Variants in ATP11A observed in about 807,000 individuals in gnomAD.
ATP11A encodes phospholipid-transporting ATPase IH.
In ATP11A, 81 loss-of-function variants were observed where a neutral mutation model predicts 154.4. That is an observed-to-expected ratio of 0.52 (90% CI 0.44 to 0.63). ATP11A has a LOEUF of 0.63. Among genes scored for constraint, ATP11A ranks in the 30% least tolerant of loss-of-function variants. The pLI, the probability that ATP11A is intolerant of heterozygous loss-of-function variation, is 0.00. For missense variants in ATP11A, 1,316 were observed against 1,474.3 expected, an observed-to-expected ratio of 0.89 and a Z score of 1.76; for synonymous variants, 623 against 585.9, an observed-to-expected ratio of 1.06 and a Z score of -0.91.
Position 112,857,972 on chromosome 13 carries a change from G to T in ATP11A, c.2521+52G>T, listed in dbSNP as rs774243437. On this transcript the variant is annotated intron_variant, in intron 21 of 29. Coordinates refer to ENST00000375645, the MANE Select transcript of ATP11A (RefSeq NM_015205.3). ...ATCCTGGTGGCCAGGTCACCCCTTC[G>T]CTAGACAAAGGCCCATGGCAGCACG... 9 of 1,596,184 alleles carry T rather than the reference G, an allele frequency of 5.6e-6. No individual in the cohort carries two copies. In the South Asian group the frequency reaches 6.6e-5, roughly 12 times the overall value.
intron 2 of ATP11A, among the ~76,000 whole-genome samples, chr13:112,786,742 C>T (rs1356975676): frequency 2.0e-5 from 3 of 152,278 alleles, no homozygotes; most frequent in South Asian, 2.1e-4. Context: ...CACGCGTGGA[C>T]GGGCTGCACA....
rs2079085226 is a variant in ATP11A, at chr13:112,831,545, G to T, written c.1392G>T (p.Gly464=). Reference sequence around the variant, plus strand: ...TTGACTCGTCCCCCAGCGTCAACGGGAGGGTAGGTGGCAGCCCCCACGCCG... The same window carrying T: ...TTGACTCGTCCCCCAGCGTCAACGGTAGGGTAGGTGGCAGCCCCCACGCCG... ...DMIDSSPSVN[G]REREELFFRA... is the part of the protein sequence containing the mutation. The change falls in exon 13 of 30, where the codon GGG becomes GGT. Residue 464 remains glycine (G), a synonymous_variant. Transcript: ENST00000375645. 1 of 1,613,912 alleles carries T rather than the reference G, an allele frequency of 6.2e-7. No homozygotes were observed. The highest frequency in any genetic ancestry group is 8.5e-7 in the Non-Finnish European group (1 of 1,179,790).
intron 1 of ATP11A, among the ~76,000 whole-genome samples, chr13:112,738,151 C>T (rs1299068720): frequency 1.3e-5 from 2 of 152,000 alleles, no homozygotes; most frequent in African/African-American, 2.4e-5. Context: ...GCAGGCAGAT[C>T]ATTTGAGGTC....
intron 12 of ATP11A, among the ~76,000 whole-genome samples, chr13:112,827,553 C>T (rs763922730): frequency 1.6e-4 from 25 of 152,272 alleles, no homozygotes; most frequent in Admixed American, 5.9e-4. Context: ...GGGAAAGACC[C>T]ATTCCCTGGG....
intron 17 of ATP11A, among the ~76,000 whole-genome samples, chr13:112,850,674 A>T (rs1016544629): frequency 6.6e-6 from 1 of 152,242 alleles, no homozygotes; most frequent in African/African-American, 2.4e-5. Context: ...CCTTAAAAAA[A>T]AAAGGTTAAA....
At chr13:112,788,027 T>C (rs9604447) in intron 2 of ATP11A, among the ~76,000 whole-genome samples, 800 of 44,082 alleles carry the variant, frequency 0.018, no homozygotes, top group African/African-American at 0.038. Flanking sequence ...CCTACTTAAT[T>C]CACACCAAGT....
Position 112,845,764 on chromosome 13 carries a change from C to G in ATP11A, c.1809+3385C>G, listed in dbSNP as rs77649763. 6.8e-4 allele frequency among the ~76,000 whole-genome samples: 29 copies of G among 42,382 alleles called. 1 individual carries two copies. Among genetic ancestry groups the G allele is most frequent in the African/African-American group, 5.5e-3 (27 of 4,898 alleles). The allele number at this position is 42,382 out of a possible 152,430, so 27.8% of individuals were successfully genotyped here. On this transcript the variant is annotated intron_variant, in intron 17 of 29. Coordinates refer to ENST00000375645, the MANE Select transcript of ATP11A (RefSeq NM_015205.3). ...TAGCGGTACTAACCAGTCCAGTTGC[C>G]GGCACTAGCGGTACTAACCAGTCCA...
intron 1 of ATP11A, among the ~76,000 whole-genome samples, chr13:112,782,095 C>A (rs1027231241): frequency 2.0e-5 from 3 of 152,258 alleles, no homozygotes; most frequent in African/African-American, 7.2e-5. Context: ...TCGGGTTAAA[C>A]GCCGCTACAC....
intron 1 of ATP11A, among the ~76,000 whole-genome samples, chr13:112,773,452 C>T (rs1382337487): frequency 6.6e-6 from 1 of 152,218 alleles, no homozygotes; most frequent in Non-Finnish European, 1.5e-5. Flanking sequence ...CCGAGCTGTA[C>T]GGGTCCCAAG....
intron 1 of ATP11A, among the ~76,000 whole-genome samples, chr13:112,692,538 G>A (rs1170125418): frequency 6.6e-6 from 1 of 152,086 alleles, no homozygotes; most frequent in African/African-American, 2.4e-5. Context: ...ATTCCCCTTT[G>A]CTGTATTATT....
intron 8 of ATP11A, among the ~76,000 whole-genome samples, chr13:112,822,414 T>C (rs2078820925): frequency 6.6e-6 from 1 of 152,196 alleles, no homozygotes; most frequent in African/African-American, 2.4e-5. Context: ...TGGCTGTTGC[T>C]TGTTTTCCCC....
intron 1 of ATP11A, among the ~76,000 whole-genome samples, chr13:112,732,401 C>T (rs914012): frequency 0.18 from 27,518 of 151,996 alleles, 2,710 homozygotes; most frequent in African/African-American, 0.25. Context: ...CTCTTCTTTC[C>T]TACTCCCTGC....
At chr13:112,825,362 T>C (rs979705882) in intron 10 of ATP11A, 68 bp from the exon 11 acceptor site, 13 of 1,501,794 alleles carry the variant, frequency 8.7e-6, no homozygotes, top group Non-Finnish European at 1.1e-5. Flanking sequence ...CATCTTGATA[T>C]CTGTGAGAAG....
In ATP11A at chr13:112,859,870, G is replaced by A. The variant is rs901020440; in HGVS notation, c.2728-417G>A. Reference sequence around the variant, plus strand: ...TAGGGGAAGAAGACAGTTCCCATCCGGGAGGGGTGAAGGACTCCCCGGGCA... The same window carrying A: ...TAGGGGAAGAAGACAGTTCCCATCCAGGAGGGGTGAAGGACTCCCCGGGCA... On this transcript the variant is annotated intron_variant, in intron 23 of 29. Transcript: ENST00000375645. The surrounding 1 kb of genome is among the most constrained non-coding windows in gnomAD (Gnocchi z 4.3). 6.6e-6 allele frequency among the ~76,000 whole-genome samples: 1 copy of A among 152,212 alleles called. No homozygotes were observed. Among genetic ancestry groups the A allele is most frequent in the Non-Finnish European group, 1.5e-5 (1 of 68,032 alleles).
intron 1 of ATP11A, among the ~76,000 whole-genome samples, chr13:112,709,654 C>T (rs548067586): frequency 1.3e-5 from 2 of 152,338 alleles, no homozygotes; most frequent in Admixed American, 1.3e-4. Context: ...TTAAATTTAC[C>T]TATAGCCTGG....
chr13:112,837,913 A>G (rs1470048215), intron 16 of ATP11A, among the ~76,000 whole-genome samples: 1 of 151,776 alleles, frequency 6.6e-6, no homozygotes, highest in African/African-American at 2.4e-5. Context: ...CTCAGGAGGG[A>G]GGAGGGTGCC....
intron 1 of ATP11A, among the ~76,000 whole-genome samples, chr13:112,715,907 C>T (rs1452883041): frequency 2.0e-5 from 3 of 151,952 alleles, no homozygotes; most frequent in Admixed American, 6.5e-5. Context: ...CTTAGAAATC[C>T]GATCCCATTC....
chr13:112,872,485 C>G (rs1395452169), intron 26 of ATP11A, among the ~76,000 whole-genome samples: 1 of 152,212 alleles, frequency 6.6e-6, no homozygotes, highest in East Asian at 1.9e-4. Context: ...GTGGCACGCG[C>G]CTGTAATCCC....
At chr13:112,835,292 T>C (rs1489146143) in intron 15 of ATP11A, among the ~76,000 whole-genome samples, 1 of 152,204 alleles carries the variant, frequency 6.6e-6, no homozygotes, top group Non-Finnish European at 1.5e-5. Context: ...CAAGCACGAA[T>C]GTGCGGTCAT....
Sources: allele counts gnomAD v4.1 joint callset (sites outside exome capture counted in the v4.1 genomes callset), GRCh38; gene constraint gnomAD v4.1.1; non-coding constraint Gnocchi (gnomAD v3.1); transcripts MANE v1.5; gene names NCBI Gene and HGNC (gene_info 2026-07-23, HGNC 2026-07-21).